C1QTNF7: variants seen among roughly 807,000 people sequenced by gnomAD.
The protein encoded by C1QTNF7 is complement C1q tumor necrosis factor-related protein 7.
Under a neutral mutation model 19.6 loss-of-function variants are expected in C1QTNF7, and 15 were observed. The observed-to-expected ratio is 0.76, with a 90% CI of 0.51 to 1.18. The LOEUF (loss-of-function observed/expected upper bound fraction) is 1.18. C1QTNF7 is among the 50% of genes most tolerant of loss of function. The pLI is 0.00. For missense variants in C1QTNF7, 324 were observed against 359.7 expected (o/e 0.90, Z 0.80); for synonymous variants, 142 against 137.5 (o/e 1.03, Z -0.23).
In C1QTNF7 at chr4:15,444,151, C is replaced by T. The variant is rs1712900873; in HGVS notation, c.*1352C>T. Reference sequence around the variant, plus strand: ...CCCTCCCTTTTGGTAACTTCCAATCCTCCTTCTATGTATTCCTTTCTCTGC... The same window carrying T: ...CCCTCCCTTTTGGTAACTTCCAATCTTCCTTCTATGTATTCCTTTCTCTGC... On this transcript the variant is annotated 3_prime_UTR_variant, in exon 3 of 3. Coordinates refer to ENST00000444304, the MANE Select transcript of C1QTNF7 (RefSeq NM_031911.5). 6.6e-6 allele frequency: 1 copy of T among 151,792 alleles called. No homozygotes were observed. The highest frequency in any genetic ancestry group is 6.6e-5 in the Admixed American group (1 of 15,222). The allele number at this position is 151,792 out of a possible 1,614,324, so 9.4% of individuals were successfully genotyped here. A position where few individuals can be genotyped will look rare whatever the true frequency, so the allele number is the denominator to read the frequency against.
rs1712936517 is a variant in C1QTNF7, at chr4:15,444,919, T to G, written c.*2120T>G. 6.6e-6 allele frequency: 1 copy of G among 152,246 alleles called. No individual in the cohort carries two copies. Among genetic ancestry groups the G allele is most frequent in the South Asian group, 2.1e-4 (1 of 4,828 alleles). 9.4% of individuals were successfully genotyped at this position (152,246 alleles called of 1,614,324 possible). A position where few individuals can be genotyped will look rare whatever the true frequency, so the allele number is the denominator to read the frequency against. ...GCCAGCCTGAGAATTGGAGGATTTA[T>G]TCATAAGAAAGTGTAGAGACCCTGT... is the stretch of plus-strand genomic sequence containing the variant. On this transcript the variant is annotated 3_prime_UTR_variant, in exon 3 of 3. Transcript: ENST00000444304.
chr4:15,393,309 A>G (rs1718654595), intron 1 of C1QTNF7, among the ~76,000 whole-genome samples: 1 of 152,146 alleles, frequency 6.6e-6, no homozygotes, highest in Admixed American at 6.5e-5. Context: ...ATGAAAACAG[A>G]CTAGTTTCCC....
At chr4:15,438,852 C>T (rs1016041837) in intron 2 of C1QTNF7, among the ~76,000 whole-genome samples, 1 of 152,124 alleles carries the variant, frequency 6.6e-6, no homozygotes, top group Non-Finnish European at 1.5e-5. Flanking sequence ...AGCCCCTAGT[C>T]CATGACTGGT....
intron 1 of C1QTNF7, among the ~76,000 whole-genome samples, chr4:15,346,488 C>A (rs955928972): frequency 6.6e-6 from 1 of 152,162 alleles, no homozygotes; most frequent in East Asian, 1.9e-4. Context: ...ATTTTGAGAG[C>A]TGTCATGAAA....
intron 1 of C1QTNF7, among the ~76,000 whole-genome samples, chr4:15,359,819 A>G (rs1717273862): frequency 1.3e-5 from 2 of 152,210 alleles, no homozygotes; most frequent in Non-Finnish European, 2.9e-5. Flanking sequence ...ATACAGCTCA[A>G]GCAGGCTCCT....
intron 1 of C1QTNF7, among the ~76,000 whole-genome samples, chr4:15,404,690 C>G (rs34352292): frequency 0.25 from 38,535 of 152,024 alleles, 5,904 homozygotes; most frequent in East Asian, 0.37. Flanking sequence ...ATAGTCAGAG[C>G]AGGTTGACTG....
chr4:15,360,737 A>T (rs1254309477), intron 1 of C1QTNF7, among the ~76,000 whole-genome samples: 2 of 152,188 alleles, frequency 1.3e-5, no homozygotes, highest in Admixed American at 6.5e-5. Context: ...ATATCCATCC[A>T]CAAAGAACCA....
intron 1 of C1QTNF7, among the ~76,000 whole-genome samples, chr4:15,348,979 C>G (rs1716807458): frequency 6.6e-6 from 1 of 152,156 alleles, no homozygotes. Flanking sequence ...ACCTTCTTTC[C>G]ATCCTCCCAA....
chr4:15,386,042 G>C (rs2108894911), intron 1 of C1QTNF7, among the ~76,000 whole-genome samples: 1 of 152,308 alleles, frequency 6.6e-6, no homozygotes, highest in South Asian at 2.1e-4. Flanking sequence ...ACCAGACCTG[G>C]AAGCCAAAAC....
chr4:15,356,803 A>T (rs932873179), intron 1 of C1QTNF7, among the ~76,000 whole-genome samples: 1 of 152,170 alleles, frequency 6.6e-6, no homozygotes, highest in African/African-American at 2.4e-5. Flanking sequence ...AACTGGCGTG[A>T]GATGGTATCT....
At chr4:15,370,163 T>C (rs184498628) in intron 1 of C1QTNF7, among the ~76,000 whole-genome samples, 1 of 152,334 alleles carries the variant, frequency 6.6e-6, no homozygotes, top group African/African-American at 2.4e-5. Context: ...GGTATTTTTG[T>C]AAATTTTTTT....
chr4:15,373,896 G>A (rs1717823494), intron 1 of C1QTNF7: 1 of 152,170 alleles, frequency 6.6e-6, no homozygotes, highest in Non-Finnish European at 1.5e-5. Context: ...ATGTAAATGG[G>A]GCTGTGACGA....
Position 15,439,973 on chromosome 4 carries a change from T to C in C1QTNF7, c.239-2195T>C, listed in dbSNP as rs142723044. ...ACGTGAATGTCATATACAAAATCAATGTCTTATATAGATTTTATATGTATA... is the reference window on the plus strand; with the variant it reads ...ACGTGAATGTCATATACAAAATCAACGTCTTATATAGATTTTATATGTATA... On this transcript the variant is annotated intron_variant, in intron 2 of 2. Transcript: ENST00000444304. Among the ~76,000 whole-genome samples, 34 of 151,316 alleles carry C rather than the reference T, an allele frequency of 2.2e-4. No individual in the cohort carries two copies. In the East Asian group the frequency reaches 5.3e-3, roughly 23 times the overall value.
At chr4:15,390,823 A>G (rs1718528410) in intron 1 of C1QTNF7, among the ~76,000 whole-genome samples, 1 of 152,166 alleles carries the variant, frequency 6.6e-6, no homozygotes, top group African/African-American at 2.4e-5. Context: ...TAACGTTCTA[A>G]TCTTCCACTG....
chr4:15,442,832 A>G lies in C1QTNF7; in HGVS notation c.*33A>G, dbSNP rs756544517. The stretch of plus-strand genomic sequence containing the variant: ...CAAGATCCCTGTGGTAAACACTCTG[A>G]TTGAATCTGGGGTTCCAGAAGGTGG... On this transcript the variant is annotated 3_prime_UTR_variant, in exon 3 of 3. Coordinates refer to ENST00000444304, the MANE Select transcript of C1QTNF7 (RefSeq NM_031911.5). 1 of 1,541,586 alleles carries G rather than the reference A, an allele frequency of 6.5e-7. No individual in the cohort carries two copies. The highest frequency in any genetic ancestry group is 1.3e-5 in the South Asian group (1 of 79,186).
At chr4:15,365,743 A>C (rs539248172) in intron 1 of C1QTNF7, among the ~76,000 whole-genome samples, 2 of 152,226 alleles carry the variant, frequency 1.3e-5, no homozygotes, top group African/African-American at 4.8e-5. Flanking sequence ...TGACTTTGTC[A>C]TACATGGTGG....
At chr4:15,350,615 T>C (rs1380282822) in intron 1 of C1QTNF7, among the ~76,000 whole-genome samples, 1 of 152,200 alleles carries the variant, frequency 6.6e-6, no homozygotes, top group Non-Finnish European at 1.5e-5. Flanking sequence ...AAATTCTCTA[T>C]TTTGTTTTGA....
intron 1 of C1QTNF7, chr4:15,374,453 C>A: frequency 3.4e-6 from 2 of 590,596 alleles, no homozygotes; most frequent in Non-Finnish European, 4.3e-6. Flanking sequence ...GGGAGCGAGC[C>A]AACAGATAAA....
chr4:15,437,233 T>C (rs367635670), intron 2 of C1QTNF7, among the ~76,000 whole-genome samples: 1 of 152,138 alleles, frequency 6.6e-6, no homozygotes. Flanking sequence ...CAAACAAACA[T>C]TGGAGTCAGA....
Sources: gnomAD v4.1 joint callset for allele counts (sites outside exome capture counted in the v4.1 genomes callset) on GRCh38, gnomAD v4.1.1 for gene constraint, MANE v1.5 for transcripts, NCBI Gene and HGNC (gene_info 2026-07-23, HGNC 2026-07-21) for gene names.